The following NRG1 variants were observed in gnomAD, a reference collection of about 807,000 sequenced individuals.
The protein encoded by NRG1 is neuregulin 1, also known as pro-neuregulin-1, membrane-bound isoform.
Under a neutral mutation model 63.8 loss-of-function variants are expected in NRG1, and 18 were observed. The ratio of observed to expected loss-of-function variants is 0.28; its 90% confidence interval spans 0.19 to 0.42. The LOEUF is 0.42. Ranked by LOEUF, NRG1 falls within the 10% of genes least tolerant of loss-of-function variation. NRG1 has a pLI of 1.00. For missense variants in NRG1, 762 were observed against 814.7 expected (o/e 0.94, Z 0.79); for synonymous variants, 302 against 301.3 (o/e 1.00, Z -0.02).
rs1835060750 is a variant in NRG1 at position 31,933,824 on chromosome 8, A to G, written c.37+294393A>G. 2.6e-5 allele frequency among the ~76,000 whole-genome samples: 4 copies of G among 152,194 alleles called. No individual in the cohort carries two copies. The East Asian group carries it at 7.7e-4, about 29-fold the overall frequency. On this transcript the variant is annotated intron_variant, in intron 1 of 10. Coordinates refer to the NRG1 transcript ENST00000519301. ...CTTCTGTCTCTGTAAGTTACCAGTT[A>G]TTACTACCTAAAATACACTTGTAGT...
chr8:32,465,043 T>C (rs992212315), intron 1 of NRG1, among the ~76,000 whole-genome samples: 1 of 152,020 alleles, frequency 6.6e-6, no homozygotes, highest in Non-Finnish European at 1.5e-5. Flanking sequence ...GGTTTGGTGG[T>C]GTGTGCCTGT....
At chr8:31,712,854 G>A (rs1024588789) in intron 1 of NRG1, among the ~76,000 whole-genome samples, 1 of 152,062 alleles carries the variant, frequency 6.6e-6, no homozygotes, top group African/African-American at 2.4e-5. Flanking sequence ...ACATCTGAAA[G>A]GTGTTCTCAT....
chr8:32,682,273 A>G (rs1043780075), intron 5 of NRG1, among the ~76,000 whole-genome samples: 1 of 152,134 alleles, frequency 6.6e-6, no homozygotes, highest in South Asian at 2.1e-4. Context: ...ATTAAGCAGC[A>G]TTGATTAATA....
At chr8:32,070,919 C>T (rs7832447) in intron 1 of NRG1, among the ~76,000 whole-genome samples, 3,211 of 152,284 alleles carry the variant, frequency 0.021, 85 homozygotes, top group African/African-American at 0.06. Context: ...AACCTCTACA[C>T]CCTGCGTCCT....
chr8:31,708,090 A>C lies in NRG1; in HGVS notation c.37+68659A>C, dbSNP rs370631752. ...ATGAAGTATCCATCTGTACAGTCCT[A>C]GAGTTGTAGCTGGACCTGTGAACAC... On this transcript the variant is annotated intron_variant, in intron 1 of 10. Coordinates refer to the NRG1 transcript ENST00000519301. Among the ~76,000 whole-genome samples the C allele has an allele frequency of 6.6e-5, 10 of 152,244 alleles. No homozygotes were observed. The East Asian group carries it at 1.9e-3, about 29-fold the overall frequency.
intron 1 of NRG1, among the ~76,000 whole-genome samples, chr8:32,309,977 G>A (rs529238805): frequency 5.9e-5 from 9 of 152,304 alleles, no homozygotes; most frequent in South Asian, 2.1e-4. Context: ...AAATATTTTC[G>A]CCTAGATTTT....
intron 1 of NRG1, among the ~76,000 whole-genome samples, chr8:32,464,279 A>ACCCC (rs144963557): frequency 3.1e-4 from 27 of 86,658 alleles, no homozygotes; most frequent in African/African-American, 6.4e-4. Flanking sequence ...ACTTATCCCC[A>ACCCC]CCCCCCCCCA....
chr8:32,097,481 C>T (rs750683037), intron 1 of NRG1, among the ~76,000 whole-genome samples: 55 of 152,216 alleles, frequency 3.6e-4, no homozygotes, highest in South Asian at 8.3e-4. Context: ...TCCATTTTCT[C>T]GGCATCTTTG....
intron 1 of NRG1, among the ~76,000 whole-genome samples, chr8:32,274,303 T>C (rs997991187): frequency 6.6e-6 from 1 of 152,192 alleles, no homozygotes; most frequent in Non-Finnish European, 1.5e-5. Flanking sequence ...CAACTTTCCC[T>C]TGTGGCTGGC....
chr8:32,134,092 G>A (rs1031172913), intron 1 of NRG1, among the ~76,000 whole-genome samples: 1 of 152,056 alleles, frequency 6.6e-6, no homozygotes, highest in Admixed American at 6.6e-5. Context: ...TTACTTGTAA[G>A]GTCTATGAAG....
At chr8:31,943,530 T>TTAAA (rs1802084384) in intron 1 of NRG1, among the ~76,000 whole-genome samples, 1 of 53,854 alleles carries the variant, frequency 1.9e-5, no homozygotes, top group Non-Finnish European at 3.7e-5. Flanking sequence ...AAAAACCTAT[T>TTAAA]GAAATAAATA....
chr8:32,221,388 G>A (rs187885207), intron 1 of NRG1, among the ~76,000 whole-genome samples: 48 of 152,262 alleles, frequency 3.2e-4, no homozygotes, highest in African/African-American at 1.1e-3. Context: ...CCTCCTCCAG[G>A]TAGGGTTGAA....
At chr8:32,514,134 T>G (rs972993929) in intron 1 of NRG1, among the ~76,000 whole-genome samples, 7 of 152,200 alleles carry the variant, frequency 4.6e-5, no homozygotes, top group Non-Finnish European at 7.4e-5. Context: ...TTCTTAACCT[T>G]TTTTTGTTTG....
At chr8:31,956,595 G>C (rs1804468837) in intron 1 of NRG1, among the ~76,000 whole-genome samples, 1 of 152,278 alleles carries the variant, frequency 6.6e-6, no homozygotes, top group South Asian at 2.1e-4. Flanking sequence ...CTGCACTCCA[G>C]TCTGGGCGAT....
chr8:32,548,082 C>A, upstream of NRG1: 1 of 430,754 alleles, frequency 2.3e-6, no homozygotes, highest in Non-Finnish European at 3.1e-6. Flanking sequence ...CCGGCAGCCG[C>A]GCCGCCACCC....
chr8:32,525,153 C>T (rs944497371), intron 1 of NRG1, among the ~76,000 whole-genome samples: 3 of 152,106 alleles, frequency 2.0e-5, no homozygotes, highest in Non-Finnish European at 4.4e-5. Context: ...CTTGGTTGCC[C>T]TCTCCTTGTG....
chr8:32,731,827 A>G (rs574173339), intron 6 of NRG1, among the ~76,000 whole-genome samples: 1 of 152,190 alleles, frequency 6.6e-6, no homozygotes, highest in African/African-American at 2.4e-5. Context: ...CATAGTTTCC[A>G]TATGGTCTAT....
intron 7 of NRG1, among the ~76,000 whole-genome samples, chr8:32,751,397 G>A (rs944461755): frequency 6.6e-6 from 1 of 152,096 alleles, no homozygotes; most frequent in Non-Finnish European, 1.5e-5. Context: ...CCCACCGATC[G>A]GAATGACAGA....
chr8:31,953,244 C>A (rs1031862314), intron 1 of NRG1, among the ~76,000 whole-genome samples: 1 of 151,940 alleles, frequency 6.6e-6, no homozygotes. Context: ...TTTTGAAATG[C>A]GTCAACAAAT....
Sources: gnomAD v4.1 joint callset for allele counts (sites outside exome capture counted in the v4.1 genomes callset) on GRCh38, gnomAD v4.1.1 for gene constraint, MANE v1.5 for transcripts, NCBI Gene and HGNC (gene_info 2026-07-23, HGNC 2026-07-21) for gene names.